BLTP3B: variants seen among roughly 807,000 people sequenced by gnomAD.
BLTP3B encodes the protein bridge-like lipid transfer protein family member 3B, also known as UHRF1 (ICBP90) binding protein 1-like.
the BLTP3B span, among the ~76,000 whole-genome samples, chr12:100,115,225 C>T: frequency 5.5e-4 from 84 of 151,860 alleles, no homozygotes; most frequent in African/African-American, 1.8e-3. Context: ...GTCCAACACG[C>T]GAAACCCCGT....
chr12:100,057,728 A>G, the BLTP3B span: 3 of 1,611,288 alleles, frequency 1.9e-6, no homozygotes, highest in Non-Finnish European at 2.5e-6. Flanking sequence ...TGGGTGGGCA[A>G]CGTTCCTTAG....
chr12:100,078,670 A>G, the BLTP3B span, among the ~76,000 whole-genome samples: 1 of 152,218 alleles, frequency 6.6e-6, no homozygotes, highest in Non-Finnish European at 1.5e-5. Flanking sequence ...ACACATCTAT[A>G]TAGGGTTCCA....
chr12:100,061,786 G>A, the BLTP3B span, among the ~76,000 whole-genome samples: 19 of 151,916 alleles, frequency 1.3e-4, no homozygotes, highest in East Asian at 3.9e-4. Flanking sequence ...CTGATATCAC[G>A]AAGGGAAAGA....
chr12:100,104,537 T>TA, the BLTP3B span, among the ~76,000 whole-genome samples: 1 of 149,888 alleles, frequency 6.7e-6, no homozygotes, highest in Non-Finnish European at 1.5e-5. Flanking sequence ...TTTTTTTTTT[T>TA]AACAATCCTT....
chr12:100,093,060 T>C, the BLTP3B span: 2 of 613,164 alleles, frequency 3.3e-6, no homozygotes, highest in Non-Finnish European at 4.1e-6. Flanking sequence ...AATGTCCAAA[T>C]TCTTCAATAC....
At chr12:100,059,702 A>G in the BLTP3B span, 2 of 1,092,276 alleles carry the variant, frequency 1.8e-6, no homozygotes, top group Non-Finnish European at 2.6e-6. Context: ...TATTAAATTG[A>G]GTAAAGGGGA....
At chr12:100,116,734 T>C in the BLTP3B span, among the ~76,000 whole-genome samples, 1 of 152,154 alleles carries the variant, frequency 6.6e-6, no homozygotes, top group Non-Finnish European at 1.5e-5. Context: ...GTATTGAAGG[T>C]TCTAGCCAAC....
the BLTP3B span, among the ~76,000 whole-genome samples, chr12:100,077,942 A>G: frequency 2.6e-5 from 4 of 152,274 alleles, no homozygotes; most frequent in East Asian, 5.8e-4. Context: ...TAAAGCAAAA[A>G]AGGCATTTTA....
At chr12:100,104,205 T>A in the BLTP3B span, among the ~76,000 whole-genome samples, 1 of 131,980 alleles carries the variant, frequency 7.6e-6, no homozygotes, top group Non-Finnish European at 1.6e-5. Flanking sequence ...TCTTTTTTTC[T>A]TTTTTTTTTT....
At chr12:100,038,190 C>T in the BLTP3B span, among the ~76,000 whole-genome samples, 2 of 152,282 alleles carry the variant, frequency 1.3e-5, no homozygotes, top group African/African-American at 4.8e-5. Flanking sequence ...ATTTGACATT[C>T]TGTTAGTTCC....
chr12:100,085,315 A>G, the BLTP3B span, among the ~76,000 whole-genome samples: 1 of 151,898 alleles, frequency 6.6e-6, no homozygotes, highest in Middle Eastern at 3.2e-3. Context: ...GTGAGCAGTG[A>G]TCACACCACT....
chr12:100,109,159 C>T, the BLTP3B span, among the ~76,000 whole-genome samples: 1 of 65,318 alleles, frequency 1.5e-5, no homozygotes. Flanking sequence ...TGGCAGTTTT[C>T]CTCTCTCTCT....
the BLTP3B span, among the ~76,000 whole-genome samples, chr12:100,040,490 T>C: frequency 6.6e-6 from 1 of 152,216 alleles, no homozygotes; most frequent in African/African-American, 2.4e-5. Flanking sequence ...GAGACCAGCC[T>C]GGCCAACATG....
At chr12:100,046,830 A>G in the BLTP3B span, among the ~76,000 whole-genome samples, 1,020 of 152,320 alleles carry the variant, frequency 6.7e-3, 13 homozygotes, top group African/African-American at 0.024. Context: ...GAGAAATAAC[A>G]AGGCAAATAA....
At chr12:100,099,524 G>A in the BLTP3B span, among the ~76,000 whole-genome samples, 1 of 150,328 alleles carries the variant, frequency 6.7e-6, no homozygotes, top group Admixed American at 6.7e-5. Context: ...ACTTTGGGAG[G>A]CCACTTGAAC....
the BLTP3B span, among the ~76,000 whole-genome samples, chr12:100,136,322 T>TA: frequency 1.3e-5 from 2 of 152,130 alleles, no homozygotes; most frequent in South Asian, 2.1e-4. Flanking sequence ...CATATAGCAA[T>TA]AAAATTTTTT....
the BLTP3B span, among the ~76,000 whole-genome samples, chr12:100,076,586 G>A: frequency 2.0e-5 from 3 of 152,016 alleles, no homozygotes; most frequent in Non-Finnish European, 4.4e-5. Context: ...TAGGGAGGGG[G>A]TTTTGCTATG....
the BLTP3B span, chr12:100,128,517 A>G: frequency 1.2e-5 from 13 of 1,093,526 alleles, no homozygotes; most frequent in Non-Finnish European, 1.5e-5. Flanking sequence ...TATGCAGGGC[A>G]TATTAAGTGC....
chr12:100,095,489 C>T, the BLTP3B span, among the ~76,000 whole-genome samples: 171 of 152,248 alleles, frequency 1.1e-3, no homozygotes, highest in African/African-American at 3.9e-3. Context: ...AGAATAAACA[C>T]TAACAGATAT....
Sources: gnomAD v4.1 joint callset for allele counts (sites outside exome capture counted in the v4.1 genomes callset) on GRCh38, gnomAD v4.1.1 for gene constraint, MANE v1.5 for transcripts, NCBI Gene and HGNC (gene_info 2026-07-23, HGNC 2026-07-21) for gene names.